IRAG1: variants seen among roughly 807,000 people sequenced by gnomAD.
IRAG1 encodes inositol 1,4,5-triphosphate receptor associated 1, also known as IP3R-associated cGMP kinase substrate.
In IRAG1, 62 loss-of-function variants were observed where a neutral mutation model predicts 106.2. The ratio of observed to expected loss-of-function variants is 0.58; its 90% CI spans 0.48 to 0.72. The LOEUF (loss-of-function observed/expected upper bound fraction) is 0.72. Among genes scored for constraint, IRAG1 ranks in the 30% least tolerant of loss-of-function variants. IRAG1 has a pLI of 0.00. For synonymous variants in IRAG1, 462 were observed against 443.9 expected, an observed-to-expected ratio of 1.04 and a Z score of -0.51; for missense variants, 1,064 against 1,140.7, an observed-to-expected ratio of 0.93 and a Z score of 0.97.
chr11:10,590,282 A>G (rs1025342007), intron 18 of IRAG1, among the ~76,000 whole-genome samples: 1 of 152,166 alleles, frequency 6.6e-6, no homozygotes, highest in African/African-American at 2.4e-5. Flanking sequence ...GAAAAGACAG[A>G]GAGAGAGACC....
chr11:10,636,349 A>T (rs1039433352), intron 2 of IRAG1, among the ~76,000 whole-genome samples: 3 of 149,934 alleles, frequency 2.0e-5, no homozygotes, highest in South Asian at 2.1e-4. Flanking sequence ...TGACTTAAAA[A>T]TTTTTTTTTT....
intron 12 of IRAG1, among the ~76,000 whole-genome samples, chr11:10,605,172 A>G (rs1334036812): frequency 6.6e-6 from 1 of 152,240 alleles, no homozygotes; most frequent in Non-Finnish European, 1.5e-5. Context: ...CTTTGAAAAG[A>G]TAATATTGGT....
intron 18 of IRAG1, among the ~76,000 whole-genome samples, chr11:10,584,611 T>TC: frequency 7.0e-6 from 1 of 142,532 alleles, no homozygotes; most frequent in South Asian, 2.3e-4. Flanking sequence ...GTATCAGACT[T>TC]TTGATTTATA....
chr11:10,648,091 C>T (rs1046261349), intron 2 of IRAG1, among the ~76,000 whole-genome samples: 2 of 152,072 alleles, frequency 1.3e-5, no homozygotes, highest in East Asian at 1.9e-4. Flanking sequence ...ACCCTGGGCC[C>T]GGTGGCTCAC....
intron 1 of IRAG1, among the ~76,000 whole-genome samples, chr11:10,689,956 G>A (rs538192594): frequency 1.2e-3 from 186 of 152,182 alleles, no homozygotes; most frequent in African/African-American, 4.1e-3. Context: ...GTCTAGCAAA[G>A]AACATGCATT....
chr11:10,589,973 A>G (rs183337470), intron 18 of IRAG1, among the ~76,000 whole-genome samples: 64 of 152,290 alleles, frequency 4.2e-4, no homozygotes, highest in African/African-American at 1.4e-3. Context: ...CCTCTCTGTC[A>G]TGATTAAGAG....
chr11:10,623,881 C>G (rs188936072), intron 9 of IRAG1, 25 bp from the exon 10 acceptor site: 15 of 1,599,934 alleles, frequency 9.4e-6, no homozygotes, highest in Admixed American at 5.0e-5. Flanking sequence ...AAAGAGATAA[C>G]AATTTCAGAT....
rs1276617241 is a variant in IRAG1 at position 10,693,679 on chromosome 11, C to T, written c.-77G>A. 6.7e-7 allele frequency: 1 copy of T among 1,482,756 alleles called. No homozygotes were observed. The highest frequency in any genetic ancestry group is 2.5e-5 in the East Asian group (1 of 40,644). 91.8% of individuals were successfully genotyped at this position (1,482,756 alleles called of 1,614,324 possible). ...GCTGCAGAACCTCGGCCGCACGCCT[C>T]CTCTGAGAGGGGCTGGGACTTAGAG... is the stretch of plus-strand genomic sequence containing the variant. On this transcript the variant is annotated 5_prime_UTR_variant, in exon 1 of 21. Coordinates refer to ENST00000423302, the MANE Select transcript of IRAG1 (RefSeq NM_130385.4).
chr11:10,679,906 A>G (rs1861007948), intron 1 of IRAG1, among the ~76,000 whole-genome samples: 1 of 152,198 alleles, frequency 6.6e-6, no homozygotes, highest in Admixed American at 6.5e-5. Flanking sequence ...AAGGGGTGAA[A>G]GGATATAATG....
intron 1 of IRAG1, among the ~76,000 whole-genome samples, chr11:10,663,598 T>C (rs1203049945): frequency 6.6e-6 from 1 of 152,154 alleles, no homozygotes; most frequent in Admixed American, 6.5e-5. Flanking sequence ...GAAGCTATAT[T>C]CTCCTCTGGT....
At chr11:10,677,125 A>C (rs1270463137) in intron 1 of IRAG1, among the ~76,000 whole-genome samples, 2 of 152,148 alleles carry the variant, frequency 1.3e-5, no homozygotes, top group Non-Finnish European at 2.9e-5. Context: ...CTCTGGGTCC[A>C]TGCATACTCT....
chr11:10,644,641 G>A (rs912781955), intron 2 of IRAG1, among the ~76,000 whole-genome samples: 2 of 152,302 alleles, frequency 1.3e-5, no homozygotes, highest in East Asian at 3.9e-4. Flanking sequence ...CCTGGCACAT[G>A]GGAGGTACCG....
At chr11:10,638,216 T>A (rs1243345432) in intron 2 of IRAG1, among the ~76,000 whole-genome samples, 1 of 152,222 alleles carries the variant, frequency 6.6e-6, no homozygotes, top group Non-Finnish European at 1.5e-5. Context: ...ATTCCATAAT[T>A]GTAAGAATTC....
At chr11:10,690,371 T>TAAAA in intron 1 of IRAG1, 4 of 1,184,810 alleles carry the variant, frequency 3.4e-6, no homozygotes, top group Admixed American at 5.0e-5. Context: ...AGACCCTGTC[T>TAAAA]AAAAAAAAAA....
At chr11:10,670,405 C>T (rs1023460865) in intron 1 of IRAG1, among the ~76,000 whole-genome samples, 1 of 152,166 alleles carries the variant, frequency 6.6e-6, no homozygotes, top group Non-Finnish European at 1.5e-5. Flanking sequence ...TAGGGTCATG[C>T]AAAACCATGC....
intron 1 of IRAG1, among the ~76,000 whole-genome samples, chr11:10,670,753 A>G (rs919921415): frequency 6.6e-6 from 1 of 152,216 alleles, no homozygotes; most frequent in African/African-American, 2.4e-5. Flanking sequence ...TGTCCTTATA[A>G]GAAGAGGAAA....
intron 2 of IRAG1, among the ~76,000 whole-genome samples, chr11:10,643,488 C>T (rs1230887271): frequency 6.6e-6 from 1 of 152,240 alleles, no homozygotes; most frequent in Non-Finnish European, 1.5e-5. Flanking sequence ...ACTGTTTTTA[C>T]TCTCATGCCA....
chr11:10,693,455 C>A (rs1263378495), intron 1 of IRAG1, 81 bp downstream of exon 1: 2 of 1,528,688 alleles, frequency 1.3e-6, no homozygotes, highest in East Asian at 2.4e-5. Context: ...ATCCCAGCAC[C>A]CTGTACCTTT....
At chr11:10,690,962 T>C (rs1862010710) in intron 1 of IRAG1, among the ~76,000 whole-genome samples, 1 of 152,136 alleles carries the variant, frequency 6.6e-6, no homozygotes, top group African/African-American at 2.4e-5. Flanking sequence ...AGCTCTCTTC[T>C]CCCTATCTAC....
Sources: gnomAD v4.1 joint callset for allele counts (sites outside exome capture counted in the v4.1 genomes callset) on GRCh38, gnomAD v4.1.1 for gene constraint, MANE v1.5 for transcripts, NCBI Gene and HGNC (gene_info 2026-07-23, HGNC 2026-07-21) for gene names.